BMAL1: variants seen among roughly 807,000 people sequenced by gnomAD.
BMAL1 encodes basic helix-loop-helix ARNT-like protein 1.
chr11:13,331,574 C>T, the BMAL1 span, among the ~76,000 whole-genome samples: 13 of 152,198 alleles, frequency 8.5e-5, no homozygotes, highest in Non-Finnish European at 1.8e-4. Flanking sequence ...GTACCCTGCC[C>T]TTTTCTGGGA....
At chr11:13,323,444 A>T in the BMAL1 span, among the ~76,000 whole-genome samples, 1 of 152,126 alleles carries the variant, frequency 6.6e-6, no homozygotes, top group African/African-American at 2.4e-5. Context: ...TCCTTCAAAA[A>T]CAAACAAAAA....
At chr11:13,373,139 A>T in the BMAL1 span, among the ~76,000 whole-genome samples, 1 of 152,162 alleles carries the variant, frequency 6.6e-6, no homozygotes, top group East Asian at 1.9e-4. Context: ...TTCCATCATC[A>T]CAGAAAGTCT....
At chr11:13,376,827 T>C in the BMAL1 span, 2 of 1,181,272 alleles carry the variant, frequency 1.7e-6, no homozygotes, top group East Asian at 2.5e-5. Flanking sequence ...CCATTCATAT[T>C]CTGTGGAACA....
chr11:13,318,742 G>T, the BMAL1 span, among the ~76,000 whole-genome samples: 1 of 152,034 alleles, frequency 6.6e-6, no homozygotes, highest in Non-Finnish European at 1.5e-5. Flanking sequence ...CTGGAGGGTG[G>T]AGAGGAGACT....
At chr11:13,282,768 TCAG>T in the BMAL1 span, among the ~76,000 whole-genome samples, 1 of 152,378 alleles carries the variant, frequency 6.6e-6, no homozygotes, top group Non-Finnish European at 1.5e-5. Flanking sequence ...ACCTGCTCGC[TCAG>T]CCTGAGCATT....
At chr11:13,293,496 G>T in the BMAL1 span, among the ~76,000 whole-genome samples, 2 of 152,198 alleles carry the variant, frequency 1.3e-5, no homozygotes, top group Admixed American at 6.5e-5. Flanking sequence ...ATGGAGATGT[G>T]CACAGTGTCT....
chr11:13,383,845 C>T, the BMAL1 span, among the ~76,000 whole-genome samples: 1 of 151,952 alleles, frequency 6.6e-6, no homozygotes, highest in Non-Finnish European at 1.5e-5. Flanking sequence ...GAGTGAGACC[C>T]TATCAAGGAG....
chr11:13,360,528 T>A, the BMAL1 span: 1 of 976,514 alleles, frequency 1.0e-6, no homozygotes, highest in Non-Finnish European at 1.6e-6. Flanking sequence ...CTTTTTTTTT[T>A]AGGCCTGCTT....
the BMAL1 span, among the ~76,000 whole-genome samples, chr11:13,361,164 A>G: frequency 1.3e-5 from 2 of 152,130 alleles, no homozygotes; most frequent in Non-Finnish European, 2.9e-5. Flanking sequence ...TGCAAGAGAT[A>G]TATGCTTTCA....
At chr11:13,290,559 A>ATATTAT in the BMAL1 span, among the ~76,000 whole-genome samples, 1,262 of 149,026 alleles carry the variant, frequency 8.5e-3, 22 homozygotes, top group Middle Eastern at 0.029. Context: ...ACAAGTGTAT[A>ATATTAT]TATTATTATT....
chr11:13,282,806 T>G, the BMAL1 span, among the ~76,000 whole-genome samples: 1 of 152,210 alleles, frequency 6.6e-6, no homozygotes, highest in African/African-American at 2.4e-5. Context: ...TCTTGCTTTT[T>G]CCAAAATGAC....
chr11:13,283,253 ATTGGC>A, the BMAL1 span, among the ~76,000 whole-genome samples: 2 of 152,196 alleles, frequency 1.3e-5, no homozygotes, highest in Non-Finnish European at 2.9e-5. Flanking sequence ...TGAATGAAGC[ATTGGC>A]TTGTATTTAT....
At chr11:13,370,822 G>A in the BMAL1 span, among the ~76,000 whole-genome samples, 3 of 150,584 alleles carry the variant, frequency 2.0e-5, no homozygotes, top group African/African-American at 7.3e-5. Context: ...TATTTAACGT[G>A]ACCATGCAGC....
the BMAL1 span, among the ~76,000 whole-genome samples, chr11:13,365,221 C>T: frequency 6.6e-6 from 1 of 151,248 alleles, no homozygotes; most frequent in Admixed American, 6.6e-5. Context: ...CTGAATTCTG[C>T]TTTGAAATAT....
At chr11:13,386,539 T>A in the BMAL1 span, 12 of 1,457,018 alleles carry the variant, frequency 8.2e-6, no homozygotes, top group Admixed American at 2.4e-4. Flanking sequence ...ATTGCTTACT[T>A]AATCTGAAGA....
chr11:13,351,349 A>T, the BMAL1 span, among the ~76,000 whole-genome samples: 1 of 151,938 alleles, frequency 6.6e-6, no homozygotes, highest in Admixed American at 6.5e-5. Flanking sequence ...AACCAGAAGG[A>T]TTGACATAGG....
chr11:13,354,196 C>G, the BMAL1 span: 1,363 of 712,774 alleles, frequency 1.9e-3, 22 homozygotes, highest in African/African-American at 0.021. Flanking sequence ...GGTCTCCCCC[C>G]CCGGCCCCCC....
chr11:13,276,659 C>T, the BMAL1 span: 2 of 152,210 alleles, frequency 1.3e-5, no homozygotes, highest in Admixed American at 6.5e-5. Context: ...TCCACCCTAC[C>T]CCAGCAGGCG....
the BMAL1 span, chr11:13,355,151 AG>A: frequency 1.5e-6 from 2 of 1,335,988 alleles, no homozygotes; most frequent in South Asian, 1.3e-5. Context: ...TCCATTTAAG[AG>A]GTTTTCTTTT....
Sources: allele counts gnomAD v4.1 joint callset (sites outside exome capture counted in the v4.1 genomes callset), GRCh38; gene constraint gnomAD v4.1.1; transcripts MANE v1.5; gene names NCBI Gene and HGNC (gene_info 2026-07-23, HGNC 2026-07-21).